Variants in CTNNA3 observed in about 807,000 individuals in gnomAD.
The protein encoded by CTNNA3 is catenin alpha 3, also known as catenin alpha-3.
A neutral mutation model predicts 95.7 loss-of-function variants in CTNNA3; 76 were observed. The ratio of observed to expected loss-of-function variants is 0.79; its 90% CI spans 0.66 to 0.96. CTNNA3 has a LOEUF of 0.96. CTNNA3 is among the 40% of genes least tolerant of loss of function. The probability of loss-of-function intolerance (pLI) is 0.00; values close to 1 mark genes in which losing one functional copy is unlikely to be tolerated. For missense variants in CTNNA3, 1,191 were observed against 1,089.8 expected, an observed-to-expected ratio of 1.09 and a Z score of -1.31; for synonymous variants, 431 against 374.4, an observed-to-expected ratio of 1.15 and a Z score of -1.74.
At chr10:66,404,814 T>A (rs78184651) in intron 11 of CTNNA3, among the ~76,000 whole-genome samples, 1 of 151,722 alleles carries the variant, frequency 6.6e-6, no homozygotes, top group Admixed American at 6.6e-5. Context: ...TCATTAGTAT[T>A]AGTGTATTTT....
chr10:67,530,260 A>T (rs1221066671), intron 4 of CTNNA3, among the ~76,000 whole-genome samples: 1 of 152,192 alleles, frequency 6.6e-6, no homozygotes, highest in Admixed American at 6.5e-5. Flanking sequence ...CAGCGGTTGG[A>T]ACAGTTTGGA....
At chr10:66,230,517 A>G (rs2089533872) in intron 13 of CTNNA3, among the ~76,000 whole-genome samples, 2 of 152,098 alleles carry the variant, frequency 1.3e-5, no homozygotes, top group Admixed American at 6.5e-5. Context: ...TATTTGTGAA[A>G]TCTGTGGCAG....
rs1223327535 is a variant in CTNNA3, at chr10:67,384,963, T to C, written c.579+136879A>G. On this transcript the variant is annotated intron_variant, in intron 5 of 17. Coordinates refer to ENST00000433211, the MANE Select transcript of CTNNA3 (RefSeq NM_013266.4). ...TGCTACTTTGTTGCTTCTTTCAATG[T>C]GAATGCCACCAAAAAGGCCTATTTT... Among the ~76,000 whole-genome samples, 3 of 152,200 alleles carry C rather than the reference T, an allele frequency of 2.0e-5. No homozygotes were observed. The East Asian group carries it at 5.8e-4, about 29-fold the overall frequency.
At chr10:66,462,797 C>A (rs1002857437) in intron 11 of CTNNA3, among the ~76,000 whole-genome samples, 1 of 152,036 alleles carries the variant, frequency 6.6e-6, no homozygotes, top group Non-Finnish European at 1.5e-5. Flanking sequence ...TATCACATAA[C>A]TTGAAATGGA....
intron 7 of CTNNA3, among the ~76,000 whole-genome samples, chr10:66,973,453 T>G (rs1042840965): frequency 6.6e-6 from 1 of 152,204 alleles, no homozygotes; most frequent in Non-Finnish European, 1.5e-5. Context: ...CTTAGAAGCA[T>G]TAATTTCATA....
chr10:66,021,703 G>A (rs2079213945), intron 15 of CTNNA3, among the ~76,000 whole-genome samples: 1 of 151,820 alleles, frequency 6.6e-6, no homozygotes, highest in African/African-American at 2.4e-5. Context: ...ATTCCATGTT[G>A]GGCAAACCAC....
At chr10:67,696,233 C>T (rs1840961906), upstream of CTNNA3, 3 of 152,094 alleles carry the variant, frequency 2.0e-5, no homozygotes, top group African/African-American at 4.8e-5. Context: ...TAATCCTGAA[C>T]CGCTAGTCAC....
At chr10:67,314,793 A>G (rs1280215388) in intron 5 of CTNNA3, among the ~76,000 whole-genome samples, 1 of 152,198 alleles carries the variant, frequency 6.6e-6, no homozygotes, top group Middle Eastern at 3.2e-3. Flanking sequence ...ATCATTTATT[A>G]TTGTTTAAAA....
chr10:66,641,666 A>C (rs1036393415), intron 9 of CTNNA3, among the ~76,000 whole-genome samples: 5 of 152,154 alleles, frequency 3.3e-5, no homozygotes, highest in Non-Finnish European at 5.9e-5. Flanking sequence ...TGTGATAAAA[A>C]ACTTTCATTG....
chr10:67,731,299 C>T (rs1841272331), intron 1 of CTNNA3, among the ~76,000 whole-genome samples: 1 of 151,546 alleles, frequency 6.6e-6, no homozygotes, highest in Non-Finnish European at 1.5e-5. Flanking sequence ...AGAAGGATCA[C>T]CTGAGGTCAG....
intron 11 of CTNNA3, among the ~76,000 whole-genome samples, chr10:66,464,877 G>C (rs959846928): frequency 4.6e-5 from 7 of 151,868 alleles, no homozygotes; most frequent in African/African-American, 1.7e-4. Context: ...TTGGCGGCCA[G>C]CCTCATTAAA....
At chr10:66,291,144 C>T (rs767922471) in intron 12 of CTNNA3, among the ~76,000 whole-genome samples, 2 of 152,112 alleles carry the variant, frequency 1.3e-5, no homozygotes, top group Non-Finnish European at 2.9e-5. Context: ...TATGTTGAGG[C>T]TTGACATCAA....
intron 5 of CTNNA3, among the ~76,000 whole-genome samples, chr10:67,474,293 A>G (rs1387945324): frequency 6.6e-6 from 1 of 152,220 alleles, no homozygotes; most frequent in Admixed American, 6.5e-5. Context: ...AAAGGTAATT[A>G]CATTAAAATG....
At chr10:66,820,497 G>A (rs1045245982) in intron 7 of CTNNA3, among the ~76,000 whole-genome samples, 1 of 151,928 alleles carries the variant, frequency 6.6e-6, no homozygotes, top group Non-Finnish European at 1.5e-5. Context: ...TACAGCTCAA[G>A]TAAAAATAAA....
At chr10:66,569,027 C>A (rs1056270206) in intron 10 of CTNNA3, among the ~76,000 whole-genome samples, 3 of 151,926 alleles carry the variant, frequency 2.0e-5, no homozygotes, top group Admixed American at 6.6e-5. Flanking sequence ...AAGGAACATG[C>A]CCTCTGATAA....
At chr10:67,107,275 G>A (rs928563464) in intron 7 of CTNNA3, among the ~76,000 whole-genome samples, 13 of 152,134 alleles carry the variant, frequency 8.5e-5, no homozygotes, top group African/African-American at 3.1e-4. Context: ...GGCCTTTCTA[G>A]GCAAGCCTAC....
chr10:67,237,563 T>C (rs1339378153), intron 5 of CTNNA3, among the ~76,000 whole-genome samples: 1 of 151,586 alleles, frequency 6.6e-6, no homozygotes, highest in Non-Finnish European at 1.5e-5. Flanking sequence ...AATTAAAAAA[T>C]TCAAACATTG....
chr10:67,457,798 G>C (rs1847228024), intron 5 of CTNNA3, among the ~76,000 whole-genome samples: 1 of 152,110 alleles, frequency 6.6e-6, no homozygotes, highest in Non-Finnish European at 1.5e-5. Flanking sequence ...ATGGGGCCAA[G>C]TCCTTCTCAT....
At chr10:67,367,663 C>A (rs1199325881) in intron 5 of CTNNA3, among the ~76,000 whole-genome samples, 1 of 152,138 alleles carries the variant, frequency 6.6e-6, no homozygotes, top group Admixed American at 6.5e-5. Context: ...ATGGAATCAA[C>A]CTAGGTGCCC....
Sources: gnomAD v4.1 joint callset for allele counts (sites outside exome capture counted in the v4.1 genomes callset) on GRCh38, gnomAD v4.1.1 for gene constraint, MANE v1.5 for transcripts, NCBI Gene and HGNC (gene_info 2026-07-23, HGNC 2026-07-21) for gene names.